Variants in CSTF3 observed in about 807,000 individuals in gnomAD.
The protein encoded by CSTF3 is cleavage stimulation factor subunit 3, also known as CF-1 77 kDa subunit.
CSTF3 carries 29 observed loss-of-function variants against 105.8 expected under a neutral mutation model. That is an observed-to-expected ratio of 0.27 (90% CI 0.20 to 0.37). CSTF3 has a LOEUF of 0.37. CSTF3 is among the 10% of genes least tolerant of loss of function. CSTF3 has a pLI of 1.00. For synonymous variants in CSTF3, 252 were observed against 281.9 expected (o/e 0.89, Z 1.06); for missense variants, 357 against 879.3 (o/e 0.41, Z 7.51).
rs757865824 is a variant in CSTF3, at chr11:33,141,613, A to C, written c.225+54T>G. 8 of 1,547,430 alleles carry C rather than the reference A, an allele frequency of 5.2e-6. No individual in the cohort carries two copies. The East Asian group carries it at 1.4e-4, about 28-fold the overall frequency. The stretch of plus-strand genomic sequence containing the variant: ...CTATGTTCCTAACTTGTTTTCTATC[A>C]CTACAGTGAATGCTGCAATACTGAT... On this transcript the variant is annotated intron_variant, in intron 3 of 20. Coordinates refer to ENST00000323959, the MANE Select transcript of CSTF3 (RefSeq NM_001326.3).
chr11:33,108,446 T>G, intron 3 of CSTF3, 28 bp from the exon 4 acceptor site: 1 of 1,429,282 alleles, frequency 7.0e-7, no homozygotes, highest in South Asian at 1.5e-5. Context: ...AATATAGAAT[T>G]AATACTATTT....
At chr11:33,122,847 T>C (rs772784212) in intron 3 of CSTF3, among the ~76,000 whole-genome samples, 26 of 135,278 alleles carry the variant, frequency 1.9e-4, no homozygotes, top group Non-Finnish European at 3.8e-4. Flanking sequence ...GCCTAGGAGG[T>C]GGAGGCTGCA....
At chr11:33,088,575 T>A (rs987522699) in intron 17 of CSTF3, among the ~76,000 whole-genome samples, 2 of 152,070 alleles carry the variant, frequency 1.3e-5, no homozygotes, top group Non-Finnish European at 2.9e-5. Flanking sequence ...CCACCACACC[T>A]GGCCACTATA....
chr11:33,112,429 G>T (rs989661396), intron 3 of CSTF3, among the ~76,000 whole-genome samples: 16 of 152,054 alleles, frequency 1.1e-4, no homozygotes, highest in African/African-American at 3.6e-4. Flanking sequence ...GAATTAAAAA[G>T]AATATAAAGC....
At chr11:33,086,883 T>TA in intron 18 of CSTF3, 105 bp downstream of exon 18, 1 of 1,265,200 alleles carries the variant, frequency 7.9e-7, no homozygotes, top group South Asian at 1.2e-5. Flanking sequence ...CTAAGTCTAA[T>TA]AATTAACCCA....
chr11:33,153,895 C>T (rs1849821878), intron 1 of CSTF3, among the ~76,000 whole-genome samples: 1 of 151,988 alleles, frequency 6.6e-6, no homozygotes, highest in African/African-American at 2.4e-5. Flanking sequence ...ACGATGTAAG[C>T]TTTTTACTAT....
rs755065179 is a variant in CSTF3 at position 33,096,268 on chromosome 11, A to G, written c.1375+38T>C. ...TAGCAACATAATTCCACATGGTTTA[A>G]TATTAAGTAATCATTATAGATTCTA... On this transcript the variant is annotated intron_variant, in intron 15 of 20. Transcript: ENST00000323959. The G allele has an allele frequency of 4.6e-6, 6 of 1,293,970 alleles. No individual in the cohort carries two copies. The South Asian group carries it at 6.9e-5, about 15-fold the overall frequency. 80.2% of individuals were successfully genotyped at this position (1,293,970 alleles called of 1,614,324 possible). A position where few individuals can be genotyped will look rare whatever the true frequency, so the allele number is the denominator to read the frequency against.
chr11:33,092,449 T>C, intron 15 of CSTF3, 109 bp from the exon 16 acceptor site: 1 of 621,956 alleles, frequency 1.6e-6, no homozygotes, highest in Non-Finnish European at 2.6e-6. Context: ...TGCAGAAAGG[T>C]TTAACTATTA....
intron 1 of CSTF3, among the ~76,000 whole-genome samples, chr11:33,152,057 C>T (rs1478204928): frequency 1.3e-5 from 2 of 152,074 alleles, no homozygotes; most frequent in Non-Finnish European, 2.9e-5. Flanking sequence ...AGTTTGAGAC[C>T]AGCCTGGCCA....
intron 3 of CSTF3, among the ~76,000 whole-genome samples, chr11:33,113,905 A>AG (rs939847476): frequency 2.7e-4 from 41 of 152,244 alleles, no homozygotes; most frequent in African/African-American, 9.4e-4. Context: ...AAAAAAAAAA[A>AG]TCAGTGGTTA....
chr11:33,084,972 T>A lies in CSTF3; in HGVS notation c.*115A>T. On this transcript the variant is annotated 3_prime_UTR_variant, in exon 21 of 21. Coordinates refer to ENST00000323959, the MANE Select transcript of CSTF3 (RefSeq NM_001326.3). ...AAGAACCATGTGATAGAGGCACCAATGACAATACAACTTTGTTTCCAAGAA... is the reference window on the plus strand; with the variant it reads ...AAGAACCATGTGATAGAGGCACCAAAGACAATACAACTTTGTTTCCAAGAA... 9.0e-7 allele frequency: 1 copy of A among 1,117,010 alleles called. No individual in the cohort carries two copies. The allele number at this position is 1,117,010 out of a possible 1,614,324, so 69.2% of individuals were successfully genotyped here.
At chr11:33,115,881 C>T (rs918748023) in intron 3 of CSTF3, among the ~76,000 whole-genome samples, 3 of 152,078 alleles carry the variant, frequency 2.0e-5, no homozygotes, top group Non-Finnish European at 4.4e-5. Context: ...GAATTTGAGA[C>T]CAGTCTGGGC....
intron 1 of CSTF3, among the ~76,000 whole-genome samples, chr11:33,155,277 T>C (rs1159042986): frequency 6.6e-6 from 1 of 151,152 alleles, no homozygotes; most frequent in Non-Finnish European, 1.5e-5. Flanking sequence ...GGTAGGAGAA[T>C]AGCGTGAACC....
At chr11:33,130,621 T>G (rs1855588853) in intron 3 of CSTF3, among the ~76,000 whole-genome samples, 1 of 152,202 alleles carries the variant, frequency 6.6e-6, no homozygotes, top group African/African-American at 2.4e-5. Flanking sequence ...ACCTAAATCC[T>G]TAGTTTTGGC....
intron 1 of CSTF3, among the ~76,000 whole-genome samples, chr11:33,151,572 G>C (rs1174379452): frequency 6.6e-6 from 1 of 152,132 alleles, no homozygotes; most frequent in Non-Finnish European, 1.5e-5. Flanking sequence ...TCCATTATGT[G>C]CATATCCTAC....
Position 33,099,934 on chromosome 11 carries a change from C to T in CSTF3, c.827-217G>A, listed in dbSNP as rs1266899289. On this transcript the variant is annotated intron_variant, in intron 10 of 20. Transcript: ENST00000323959. This position sits in a 1 kb window ranked among gnomAD's most constrained non-coding sequence, Gnocchi z 4.1. ...ATTTTTGGAAGCAGGGTCTCTGTCACGTAGGCTGGAGTGCAGTGGCACAAA... is the reference window on the plus strand; with the variant it reads ...ATTTTTGGAAGCAGGGTCTCTGTCATGTAGGCTGGAGTGCAGTGGCACAAA... 3.3e-5 allele frequency among the ~76,000 whole-genome samples: 5 copies of T among 152,128 alleles called. No homozygotes were observed. The highest frequency in any genetic ancestry group is 5.9e-5 in the Non-Finnish European group (4 of 68,012).
intron 3 of CSTF3, among the ~76,000 whole-genome samples, chr11:33,114,200 A>G (rs1855408471): frequency 6.6e-6 from 1 of 152,216 alleles, no homozygotes; most frequent in Non-Finnish European, 1.5e-5. Context: ...ATCTATTTTT[A>G]ACAGTTTAGA....
chr11:33,160,400 T>C (rs1302490594), intron 1 of CSTF3, among the ~76,000 whole-genome samples: 2 of 152,196 alleles, frequency 1.3e-5, no homozygotes, highest in Non-Finnish European at 1.5e-5. Context: ...GTCGTTGCTA[T>C]GGCAATGGGA....
At chr11:33,111,366 G>T (rs115938129) in intron 3 of CSTF3, among the ~76,000 whole-genome samples, 11 of 152,114 alleles carry the variant, frequency 7.2e-5, no homozygotes, top group Non-Finnish European at 1.5e-4. Flanking sequence ...TGATGCATTC[G>T]CATCATGGAA....
Sources: allele counts gnomAD v4.1 joint callset (sites outside exome capture counted in the v4.1 genomes callset), GRCh38; gene constraint gnomAD v4.1.1; non-coding constraint Gnocchi (gnomAD v3.1); transcripts MANE v1.5; gene names NCBI Gene and HGNC (gene_info 2026-07-23, HGNC 2026-07-21).